The following OTUD7A variants were observed in gnomAD, a reference collection of about 807,000 sequenced individuals.
OTUD7A encodes the protein OTU domain-containing protein 7A.
A neutral mutation model predicts 65.7 loss-of-function variants in OTUD7A; 12 were observed. The ratio of observed to expected loss-of-function variants is 0.18; its 90% confidence interval spans 0.12 to 0.30. The LOEUF (loss-of-function observed/expected upper bound fraction) is 0.30, where lower values mean the gene tolerates loss of function less well. Among genes scored for constraint, OTUD7A ranks in the 10% least tolerant of loss-of-function variants. OTUD7A has a pLI of 1.00. For synonymous variants in OTUD7A, 641 were observed against 586.3 expected (o/e 1.09, Z -1.35); for missense variants, 1,148 against 1,304.8 (o/e 0.88, Z 1.85).
In OTUD7A at chr15:31,658,102, G is replaced by T. The variant is rs148511626; in HGVS notation, c.-99-1025C>A. 4.7e-4 allele frequency among the ~76,000 whole-genome samples: 71 copies of T among 152,262 alleles called. No individual in the cohort carries two copies. In the East Asian group the frequency reaches 0.012, roughly 25 times the overall value. On this transcript the variant is annotated intron_variant, in intron 1 of 12. Coordinates refer to ENST00000307050, the MANE Select transcript of OTUD7A (RefSeq NM_001382637.1). ...CCAAAATGGTTCCACCACTTTGTGTGACCTTGGGCATGTTATATCGCCTCT... is the reference window on the plus strand; with the variant it reads ...CCAAAATGGTTCCACCACTTTGTGTTACCTTGGGCATGTTATATCGCCTCT...
At chr15:31,832,407 C>T (rs544516846) in intron 1 of OTUD7A, among the ~76,000 whole-genome samples, 2 of 152,236 alleles carry the variant, frequency 1.3e-5, no homozygotes, top group South Asian at 4.1e-4. Context: ...GTCTTTCCAT[C>T]TCCAGACAGA....
Position 31,808,690 on chromosome 15 carries a change from C to T in OTUD7A, c.-100+61817G>A, listed in dbSNP as rs569825950. On this transcript the variant is annotated intron_variant, in intron 1 of 12. Coordinates refer to ENST00000307050, the MANE Select transcript of OTUD7A (RefSeq NM_001382637.1). ...TTCCAGACAGCATGATCCAAGGCCT[C>T]ACCAGGCTCCATCCACAGCAGCACT... Among the ~76,000 whole-genome samples, 15 of 152,322 alleles carry T rather than the reference C, an allele frequency of 9.8e-5. No individual in the cohort carries two copies. The East Asian group carries it at 2.9e-3, about 29-fold the overall frequency.
chr15:31,686,434 A>T (rs567349940), intron 1 of OTUD7A, among the ~76,000 whole-genome samples: 9 of 152,246 alleles, frequency 5.9e-5, no homozygotes, highest in African/African-American at 2.2e-4. Context: ...CCATCCACAC[A>T]CTCAAGTGAA....
At chr15:31,595,732 G>C (rs1889884788) in intron 3 of OTUD7A, among the ~76,000 whole-genome samples, 1 of 152,224 alleles carries the variant, frequency 6.6e-6, no homozygotes, top group Non-Finnish European at 1.5e-5. Context: ...CAGAGCCGTG[G>C]TCCCTCCTGG....
At chr15:31,792,255 C>T (rs76732143) in intron 1 of OTUD7A, among the ~76,000 whole-genome samples, 2,657 of 152,308 alleles carry the variant, frequency 0.017, 75 homozygotes, top group African/African-American at 0.06. Flanking sequence ...TCCTGACTGA[C>T]ACCCCTGACT....
intron 8 of OTUD7A, among the ~76,000 whole-genome samples, chr15:31,514,184 G>C (rs988051240): frequency 6.6e-6 from 1 of 151,614 alleles, no homozygotes; most frequent in South Asian, 2.1e-4. Flanking sequence ...CTCCCAAGTA[G>C]CTGGGACCAC....
chr15:31,585,754 A>T (rs1394925728), intron 3 of OTUD7A, among the ~76,000 whole-genome samples: 1 of 152,204 alleles, frequency 6.6e-6, no homozygotes, highest in Non-Finnish European at 1.5e-5. Flanking sequence ...ATGTGTATAC[A>T]TAAAGATGTA....
chr15:31,607,039 T>C (rs1001848811), intron 3 of OTUD7A, among the ~76,000 whole-genome samples: 4 of 152,110 alleles, frequency 2.6e-5, no homozygotes, highest in Admixed American at 6.6e-5. Context: ...CTAGGAAACA[T>C]GGCAAAATAT....
chr15:31,732,123 C>G (rs1894060887), intron 1 of OTUD7A, among the ~76,000 whole-genome samples: 1 of 152,184 alleles, frequency 6.6e-6, no homozygotes, highest in South Asian at 2.1e-4. Context: ...TAATCATCCC[C>G]TCAGTCTCTC....
At chr15:31,619,689 G>C in intron 3 of OTUD7A, among the ~76,000 whole-genome samples, 1 of 151,978 alleles carries the variant, frequency 6.6e-6, no homozygotes, top group Non-Finnish European at 1.5e-5. Context: ...GGGTTTTCTA[G>C]ATATACAATC....
At chr15:31,610,617 A>ATATATATATTTTTTTTT in intron 3 of OTUD7A, among the ~76,000 whole-genome samples, 2 of 30,560 alleles carry the variant, frequency 6.5e-5, no homozygotes, top group African/African-American at 1.7e-4. Context: ...ATATATATAT[A>ATATATATATTTTTTTTT]TTTTTTTTTT....
At chr15:31,513,049 T>G (rs34177851) in intron 8 of OTUD7A, among the ~76,000 whole-genome samples, 89,585 of 152,026 alleles carry the variant, frequency 0.59, 26,815 homozygotes, top group African/African-American at 0.68. Flanking sequence ...TTTTGTATTT[T>G]TAGTGGAGAC....
chr15:31,737,878 AGG>A (rs1894235311), intron 1 of OTUD7A, among the ~76,000 whole-genome samples: 1 of 152,210 alleles, frequency 6.6e-6, no homozygotes, highest in South Asian at 2.1e-4. Flanking sequence ...TATGTATTGT[AGG>A]GAATCATGGA....
chr15:31,621,950 G>C (rs1432963947), intron 3 of OTUD7A, among the ~76,000 whole-genome samples: 1 of 152,084 alleles, frequency 6.6e-6, no homozygotes, highest in Non-Finnish European at 1.5e-5. Flanking sequence ...GCTCTTGTAG[G>C]GCAGGTCTGG....
intron 1 of OTUD7A, among the ~76,000 whole-genome samples, chr15:31,808,098 AACACACACACAC>A (rs55911531): frequency 1.1e-4 from 11 of 95,868 alleles, no homozygotes; most frequent in South Asian, 3.3e-4. Flanking sequence ...ACAAATGCCA[AACACACACACAC>A]ACACACACAC....
chr15:31,690,799 T>C (rs1892943803), intron 1 of OTUD7A, among the ~76,000 whole-genome samples: 1 of 152,192 alleles, frequency 6.6e-6, no homozygotes, highest in African/African-American at 2.4e-5. Flanking sequence ...ATCAAAGACC[T>C]AAATGTAAGA....
intron 1 of OTUD7A, among the ~76,000 whole-genome samples, chr15:31,746,319 A>G (rs1411549301): frequency 6.6e-6 from 1 of 152,184 alleles, no homozygotes; most frequent in Non-Finnish European, 1.5e-5. Flanking sequence ...ATGGGTAATG[A>G]CTGTGGTGTG....
At chr15:31,616,819 C>A (rs1261573966) in intron 3 of OTUD7A, among the ~76,000 whole-genome samples, 2 of 152,122 alleles carry the variant, frequency 1.3e-5, no homozygotes, top group Non-Finnish European at 2.9e-5. Context: ...GCTGGGATTA[C>A]AGGCATGAGC....
At chr15:31,831,338 C>T (rs911991335) in intron 1 of OTUD7A, among the ~76,000 whole-genome samples, 1 of 152,158 alleles carries the variant, frequency 6.6e-6, no homozygotes, top group African/African-American at 2.4e-5. Flanking sequence ...AAAAAACTAG[C>T]TGCAAGTCAA....
Sources: gnomAD v4.1 joint callset for allele counts (sites outside exome capture counted in the v4.1 genomes callset) on GRCh38, gnomAD v4.1.1 for gene constraint, MANE v1.5 for transcripts, NCBI Gene and HGNC (gene_info 2026-07-23, HGNC 2026-07-21) for gene names.